CELSR1: variants seen among roughly 807,000 people sequenced by gnomAD.
CELSR1 encodes cadherin EGF LAG seven-pass G-type receptor 1.
In CELSR1, 110 loss-of-function variants were observed where a neutral mutation model predicts 249.1. That is an observed-to-expected ratio of 0.44 (90% CI 0.38 to 0.52). The LOEUF is 0.52. CELSR1 is among the 20% of genes least tolerant of loss of function. CELSR1 has a pLI of 0.00. For missense variants in CELSR1, 4,109 were observed against 4,296.4 expected, an observed-to-expected ratio of 0.96 and a Z score of 1.22; for synonymous variants, 2,113 against 1,900.0, an observed-to-expected ratio of 1.11 and a Z score of -2.92.
At chr22:46,528,137 C>T (rs1787459049) in intron 1 of CELSR1, among the ~76,000 whole-genome samples, 1 of 151,996 alleles carries the variant, frequency 6.6e-6, no homozygotes, top group Non-Finnish European at 1.5e-5. Flanking sequence ...CTTCCCTACC[C>T]TGTGAGTTCC....
At chr22:46,489,477 G>C (rs1202877241) in intron 1 of CELSR1, among the ~76,000 whole-genome samples, 1 of 151,736 alleles carries the variant, frequency 6.6e-6, no homozygotes, top group Admixed American at 6.6e-5. Context: ...TCCTAACTAC[G>C]GGACATCCAC....
chr22:46,442,460 C>T (rs1050843790), intron 2 of CELSR1, among the ~76,000 whole-genome samples: 3 of 151,700 alleles, frequency 2.0e-5, no homozygotes, highest in Admixed American at 6.6e-5. Context: ...CAGGGCAGTC[C>T]GACCTCCCCT....
At chr22:46,477,931 C>T (rs1014799736) in intron 1 of CELSR1, among the ~76,000 whole-genome samples, 5 of 152,150 alleles carry the variant, frequency 3.3e-5, no homozygotes, top group East Asian at 1.9e-4. Flanking sequence ...TGCCAGCCCC[C>T]GGGAGGATGC....
At chr22:46,418,870 A>T (rs1296854783) in intron 5 of CELSR1, among the ~76,000 whole-genome samples, 1 of 152,202 alleles carries the variant, frequency 6.6e-6, no homozygotes, top group African/African-American at 2.4e-5. Flanking sequence ...GCCAAAGACA[A>T]AAGTGAGGAG....
Position 46,386,345 on chromosome 22 carries a change from C to G in CELSR1, c.6739+57G>C, listed in dbSNP as rs957331181. On this transcript the variant is annotated intron_variant, in intron 19 of 34. Transcript: ENST00000674500. The stretch of plus-strand genomic sequence containing the variant: ...TGCTTCACCCCATGGGGGCCTAGCT[C>G]TGGGGCACACCCCTGATGGTAGCAG... 88 of 1,447,700 alleles carry G rather than the reference C, an allele frequency of 6.1e-5. No homozygotes were observed. In the African/African-American group the frequency reaches 1.2e-3, roughly 19 times the overall value. The allele number at this position is 1,447,700 out of a possible 1,614,324, so 89.7% of individuals were successfully genotyped here.
Position 46,369,772 on chromosome 22 carries a change from C to T in CELSR1, c.7792G>A (p.Gly2598Arg), listed in dbSNP as rs375467789. Reference protein sequence around the residue: ...LAVGLDPQGYGNPDFCWLSLQ... With the variant: ...LAVGLDPQGYRNPDFCWLSLQ... ...GACAGCCAGCAGAAGTCGGGGTTCC[C>T]GTAGCCCTGGGGGTCCAGGCCGACC... The change falls in exon 26 of 35, where the codon GGG becomes AGG. Residue 2598 changes from glycine (G) to arginine (R), a missense_variant. Coordinates refer to ENST00000674500, the MANE Select transcript of CELSR1 (RefSeq NM_001378328.1). 7.6e-5 allele frequency: 122 copies of T among 1,613,108 alleles called. No individual in the cohort carries two copies. The highest frequency in any genetic ancestry group is 9.6e-5 in the Non-Finnish European group (113 of 1,179,986).
chr22:46,532,014 G>A lies in CELSR1; in HGVS notation c.3544+1613C>T, dbSNP rs144847192. On this transcript the variant is annotated intron_variant, in intron 1 of 34. Coordinates refer to ENST00000674500, the MANE Select transcript of CELSR1 (RefSeq NM_001378328.1). The stretch of plus-strand genomic sequence containing the variant: ...CATTTTCAACTGTGGTCTAAGCTGC[G>A]CCCCAGGTGAGACAGCTCTCAGGAA... 3.9e-3 allele frequency among the ~76,000 whole-genome samples: 600 copies of A among 152,248 alleles called. 1 individual carries two copies. The highest frequency in any genetic ancestry group is 5.7e-3 in the Non-Finnish European group (386 of 68,014).
intron 22 of CELSR1, among the ~76,000 whole-genome samples, chr22:46,379,675 G>A (rs536307313): frequency 6.6e-5 from 10 of 152,328 alleles, no homozygotes; most frequent in East Asian, 3.9e-4. Flanking sequence ...TGGGCTAACC[G>A]GGCTCGCTCA....
At chr22:46,523,245 T>A (rs908957853) in intron 1 of CELSR1, among the ~76,000 whole-genome samples, 2 of 152,176 alleles carry the variant, frequency 1.3e-5, no homozygotes, top group East Asian at 1.9e-4. Flanking sequence ...AAGAAAAATC[T>A]TAGCCTGGTG....
At chr22:46,442,281 T>C (rs2147484022) in intron 2 of CELSR1, among the ~76,000 whole-genome samples, 1 of 152,348 alleles carries the variant, frequency 6.6e-6, no homozygotes, top group East Asian at 1.9e-4. Flanking sequence ...GACCCTGCAC[T>C]CAGATTCCGC....
intron 5 of CELSR1, among the ~76,000 whole-genome samples, chr22:46,414,347 A>G (rs2079372435): frequency 6.6e-6 from 1 of 152,246 alleles, no homozygotes; most frequent in Non-Finnish European, 1.5e-5. Flanking sequence ...GAGAGCTGGA[A>G]GAACCAGCAG....
rs1453146806 is a variant in CELSR1, at chr22:46,437,148, C to T, written c.4407-859G>A. Among the ~76,000 whole-genome samples, 3 of 152,186 alleles carry T rather than the reference C, an allele frequency of 2.0e-5. No individual in the cohort carries two copies. Among genetic ancestry groups the T allele is most frequent in the Non-Finnish European group, 4.4e-5 (3 of 68,036 alleles). ...AACAGGCCTGTCAGAACTTAGAGCACGCTGAGCAAAAACCACCTGCTCGGG... is the reference window on the plus strand; with the variant it reads ...AACAGGCCTGTCAGAACTTAGAGCATGCTGAGCAAAAACCACCTGCTCGGG... On this transcript the variant is annotated intron_variant, in intron 3 of 34. Coordinates refer to ENST00000674500, the MANE Select transcript of CELSR1 (RefSeq NM_001378328.1). The surrounding 1 kb of genome is among the most constrained non-coding windows in gnomAD (Gnocchi z 4.9).
intron 1 of CELSR1, among the ~76,000 whole-genome samples, chr22:46,474,852 G>C (rs1481027614): frequency 6.3e-5 from 8 of 127,946 alleles, no homozygotes; most frequent in African/African-American, 2.4e-4. Context: ...CAAGCTGCAG[G>C]TCCCAGGCAG....
chr22:46,478,416 G>T (rs537493465), intron 1 of CELSR1, among the ~76,000 whole-genome samples: 1 of 152,324 alleles, frequency 6.6e-6, no homozygotes, highest in Admixed American at 6.5e-5. Flanking sequence ...CTGGTTCTGA[G>T]CCAAATGATG....
chr22:46,378,754 G>A, intron 22 of CELSR1, 37 bp from the exon 23 acceptor site: 1 of 1,596,768 alleles, frequency 6.3e-7, no homozygotes, highest in Non-Finnish European at 8.6e-7. Flanking sequence ...GGGTAAGACG[G>A]TTCCCTCTGC....
At chr22:46,420,304 G>A (rs988594955) in intron 5 of CELSR1, among the ~76,000 whole-genome samples, 8 of 119,638 alleles carry the variant, frequency 6.7e-5, no homozygotes, top group African/African-American at 3.7e-4. Flanking sequence ...AGCCACTCAT[G>A]TGCACTCACG....
rs770190073 is a variant in CELSR1, at chr22:46,535,534, T to C, written c.1637A>G (p.Asn546Ser). Reference protein sequence around the residue: ...AQDGGRPPLINSSGVVSVQVL... With the variant: ...AQDGGRPPLISSSGVVSVQVL... The stretch of plus-strand genomic sequence containing the variant: ...CTGCACAGACACCACCCCTGAAGAA[T>C]TGATGAGCGGGGGCCGGCCCCCATC... The change falls in exon 1 of 35, where the codon AAT (asparagine) becomes AGT (serine). Residue 546 changes from asparagine (N) to serine (S), a missense_variant. Coordinates refer to ENST00000674500, the MANE Select transcript of CELSR1 (RefSeq NM_001378328.1). 30 of 1,613,100 alleles carry C rather than the reference T, an allele frequency of 1.9e-5. No homozygotes were observed. Among genetic ancestry groups the C allele is most frequent in the African/African-American group, 4.0e-5 (3 of 74,908 alleles).
chr22:46,363,498 C>G lies in CELSR1; in HGVS notation c.9036-251G>C. ...AGCGCAAGGAATCCACGTTAGAAAC[C>G]GGCCATCTCTACAGTGACTTTTGGA... On this transcript the variant is annotated intron_variant, in intron 34 of 34. Transcript: ENST00000674500. The surrounding 1 kb of genome is among the most constrained non-coding windows in gnomAD (Gnocchi z 4.3). 1 of 446,812 alleles carries G rather than the reference C, an allele frequency of 2.2e-6. No individual in the cohort carries two copies. Among genetic ancestry groups the G allele is most frequent in the Non-Finnish European group, 4.1e-6 (1 of 244,342 alleles). The allele number at this position is 446,812 out of a possible 1,614,324, so 27.7% of individuals were successfully genotyped here.
At position 46,457,393 on chromosome 22, in the gene CELSR1, G is replaced by C. The variant is rs1010975736; in HGVS notation, c.4183+6314C>G. Among the ~76,000 whole-genome samples, 27 of 152,214 alleles carry C rather than the reference G, an allele frequency of 1.8e-4. 1 individual carries two copies. Among genetic ancestry groups the C allele is most frequent in the Middle Eastern group, 6.8e-3 (2 of 294 alleles). The stretch of plus-strand genomic sequence containing the variant: ...CGCAGCCCCTGGGGTCCTAAAAGCA[G>C]GTGATCAAGAATAAACTCAACCCTA... On this transcript the variant is annotated intron_variant, in intron 2 of 34. Transcript: ENST00000674500.
Sources: gnomAD v4.1 joint callset for allele counts (sites outside exome capture counted in the v4.1 genomes callset) on GRCh38, gnomAD v4.1.1 for gene constraint, Gnocchi (gnomAD v3.1) non-coding constraint, MANE v1.5 for transcripts, NCBI Gene and HGNC (gene_info 2026-07-23, HGNC 2026-07-21) for gene names.